The following ASCC3 variants were observed in gnomAD, a reference collection of about 807,000 sequenced individuals.
ASCC3 encodes ASC-1 complex subunit P200.
Under a neutral mutation model 256.3 loss-of-function variants are expected in ASCC3, and 158 were observed. That is an observed-to-expected ratio of 0.62 (90% CI 0.54 to 0.70). ASCC3 has a LOEUF of 0.70. Among genes scored for constraint, ASCC3 ranks in the 30% least tolerant of loss-of-function variants. The probability of loss-of-function intolerance (pLI) is 0.00; values close to 1 mark genes in which losing one functional copy is unlikely to be tolerated. For synonymous variants in ASCC3, 948 were observed against 883.4 expected (o/e 1.07, Z -1.30); for missense variants, 2,259 against 2,626.0 (o/e 0.86, Z 3.05).
At chr6:100,740,381 T>C (rs1269565019) in intron 10 of ASCC3, among the ~76,000 whole-genome samples, 4 of 152,214 alleles carry the variant, frequency 2.6e-5, no homozygotes, top group Admixed American at 6.5e-5. Flanking sequence ...GTAAGTGCCA[T>C]GCAGCAATGA....
chr6:100,766,765 C>T (rs1781677252), intron 9 of ASCC3, 60 bp from the exon 10 acceptor site: 9 of 1,595,278 alleles, frequency 5.6e-6, no homozygotes. Context: ...ATTTGTCTTA[C>T]AGTAGCCAAT....
intron 34 of ASCC3, among the ~76,000 whole-genome samples, chr6:100,594,660 G>C (rs1174016132): frequency 6.6e-6 from 1 of 152,078 alleles, no homozygotes; most frequent in Non-Finnish European, 1.5e-5. Flanking sequence ...TCTAGCATAT[G>C]ATCCAGCAAT....
chr6:100,589,903 A>G (rs1771911576), intron 35 of ASCC3, 45 bp downstream of exon 35: 5 of 1,595,598 alleles, frequency 3.1e-6, no homozygotes, highest in Non-Finnish European at 4.3e-6. Context: ...CCTGTCAAAA[A>G]GCTGGGCAAT....
At chr6:100,624,643 A>T (rs1027181905) in intron 30 of ASCC3, among the ~76,000 whole-genome samples, 2 of 151,934 alleles carry the variant, frequency 1.3e-5, no homozygotes, top group African/African-American at 4.8e-5. Flanking sequence ...AGAACTCTAT[A>T]CTGAGAAAAT....
At chr6:100,804,704 C>T (rs564141903) in intron 5 of ASCC3, among the ~76,000 whole-genome samples, 1 of 152,214 alleles carries the variant, frequency 6.6e-6, no homozygotes, top group Non-Finnish European at 1.5e-5. Flanking sequence ...CAATGAGATA[C>T]CACTTCACAC....
chr6:100,590,922 A>T, intron 34 of ASCC3, among the ~76,000 whole-genome samples: 1 of 152,152 alleles, frequency 6.6e-6, no homozygotes, highest in Admixed American at 6.6e-5. Context: ...TTTCATTAGA[A>T]AGAAAAGTTA....
intron 36 of ASCC3, among the ~76,000 whole-genome samples, chr6:100,548,792 A>G (rs1178164341): frequency 3.3e-5 from 5 of 151,920 alleles, no homozygotes; most frequent in Non-Finnish European, 5.9e-5. Flanking sequence ...TTCTAGGAAT[A>G]GTATACAGTA....
At chr6:100,743,874 A>G (rs1179181271) in intron 10 of ASCC3, among the ~76,000 whole-genome samples, 4 of 152,184 alleles carry the variant, frequency 2.6e-5, no homozygotes, top group African/African-American at 4.8e-5. Flanking sequence ...ATACTCACAA[A>G]TCTTTAAAAT....
At chr6:100,710,014 T>C (rs1390007566) in intron 13 of ASCC3, among the ~76,000 whole-genome samples, 1 of 152,188 alleles carries the variant, frequency 6.6e-6, no homozygotes, top group Non-Finnish European at 1.5e-5. Flanking sequence ...GTGAGACCTG[T>C]ATACTAAACC....
intron 8 of ASCC3, among the ~76,000 whole-genome samples, chr6:100,768,737 A>G (rs1781782039): frequency 6.6e-6 from 1 of 152,126 alleles, no homozygotes; most frequent in Non-Finnish European, 1.5e-5. Flanking sequence ...GACTTGATTG[A>G]CACTTATTCA....
intron 10 of ASCC3, among the ~76,000 whole-genome samples, chr6:100,739,080 T>C (rs1780310133): frequency 6.6e-6 from 1 of 152,232 alleles, no homozygotes; most frequent in Non-Finnish European, 1.5e-5. Flanking sequence ...CATGGGTTTG[T>C]CATATATGGT....
chr6:100,608,160 T>TATGTATATATAGATA (rs1582549578), intron 30 of ASCC3, among the ~76,000 whole-genome samples: 1 of 15,366 alleles, frequency 6.5e-5, no homozygotes, highest in African/African-American at 1.8e-4. Context: ...ATATACATAT[T>TATGTATATATAGATA]TATATACATA....
chr6:100,772,584 A>G (rs760799062), intron 8 of ASCC3, among the ~76,000 whole-genome samples: 6 of 152,232 alleles, frequency 3.9e-5, no homozygotes, highest in Admixed American at 6.5e-5. Flanking sequence ...AGATATACTC[A>G]GAAGAGATCA....
At chr6:100,834,809 T>C (rs1388761147) in intron 4 of ASCC3, among the ~76,000 whole-genome samples, 3 of 152,260 alleles carry the variant, frequency 2.0e-5, no homozygotes, top group Non-Finnish European at 4.4e-5. Context: ...AAAATTCAAA[T>C]TGGTAATTGA....
intron 3 of ASCC3, among the ~76,000 whole-genome samples, chr6:100,853,421 T>C (rs1016745635): frequency 0.36 from 28,102 of 77,650 alleles, 2,883 homozygotes; most frequent in Middle Eastern, 0.46. Flanking sequence ...TAAATATTCC[T>C]TTTTTTTTTT....
chr6:100,582,538 A>T (rs1479436696), intron 36 of ASCC3, among the ~76,000 whole-genome samples: 1 of 152,006 alleles, frequency 6.6e-6, no homozygotes, highest in Non-Finnish European at 1.5e-5. Context: ...GCAAACAGGG[A>T]CAATTTGACT....
At chr6:100,778,371 A>G (rs1782288213) in intron 8 of ASCC3, among the ~76,000 whole-genome samples, 1 of 150,460 alleles carries the variant, frequency 6.6e-6, no homozygotes, top group African/African-American at 2.5e-5. Flanking sequence ...TCAAATTTCA[A>G]AAGTTTGCAT....
intron 10 of ASCC3, among the ~76,000 whole-genome samples, chr6:100,757,738 A>T (rs1234910050): frequency 1.3e-5 from 2 of 152,206 alleles, no homozygotes; most frequent in Admixed American, 1.3e-4. Flanking sequence ...GAAAAGTGAA[A>T]AAAGAAGTAG....
At chr6:100,765,109 G>A (rs1276961927) in intron 10 of ASCC3, among the ~76,000 whole-genome samples, 1 of 152,114 alleles carries the variant, frequency 6.6e-6, no homozygotes, top group Non-Finnish European at 1.5e-5. Context: ...AGGAGGCATA[G>A]AACAGATACT....
Sources: allele counts gnomAD v4.1 joint callset (sites outside exome capture counted in the v4.1 genomes callset), GRCh38; gene constraint gnomAD v4.1.1; transcripts MANE v1.5; gene names NCBI Gene and HGNC (gene_info 2026-07-23, HGNC 2026-07-21).